Variants in PCSK2 observed in about 807,000 individuals in gnomAD.
PCSK2 encodes the protein proprotein convertase subtilisin/kexin type 2, also known as neuroendocrine convertase 2.
PCSK2 carries 14 observed loss-of-function variants against 69.7 expected under a neutral mutation model. That is an observed-to-expected ratio of 0.20 (90% CI 0.13 to 0.31). PCSK2 has a LOEUF of 0.31. Among genes scored for constraint, PCSK2 ranks in the 10% least tolerant of loss-of-function variants. The probability of loss-of-function intolerance (pLI) is 1.00; values close to 1 mark genes in which losing one functional copy is unlikely to be tolerated. For missense variants in PCSK2, 544 were observed against 842.5 expected (o/e 0.65, Z 4.39); for synonymous variants, 307 against 320.7 (o/e 0.96, Z 0.46).
chr20:17,348,921 C>A (rs2029890736), intron 2 of PCSK2, among the ~76,000 whole-genome samples: 2 of 152,170 alleles, frequency 1.3e-5, no homozygotes, highest in Non-Finnish European at 2.9e-5. Context: ...GGAAGAGAGT[C>A]CAGCCCACAA....
At chr20:17,385,802 A>C (rs2031219569) in intron 5 of PCSK2, among the ~76,000 whole-genome samples, 1 of 152,234 alleles carries the variant, frequency 6.6e-6, no homozygotes, top group Admixed American at 6.5e-5. Context: ...TGTGGGCAAC[A>C]GGAGCTCAGT....
At chr20:17,441,724 T>A (rs1057202318) in intron 8 of PCSK2, among the ~76,000 whole-genome samples, 2 of 152,036 alleles carry the variant, frequency 1.3e-5, no homozygotes, top group Non-Finnish European at 2.9e-5. Context: ...GAGAACAGCA[T>A]GGGGAAGACT....
At chr20:17,481,239 A>G (rs1339583910) in intron 11 of PCSK2, among the ~76,000 whole-genome samples, 1 of 151,692 alleles carries the variant, frequency 6.6e-6, no homozygotes, top group East Asian at 1.9e-4. Flanking sequence ...AAAATTAGCC[A>G]GGCGTGGTGG....
At chr20:17,309,823 G>GAGAAGA (rs71192373) in intron 2 of PCSK2, among the ~76,000 whole-genome samples, 32 of 147,320 alleles carry the variant, frequency 2.2e-4, no homozygotes, top group African/African-American at 3.0e-4. Flanking sequence ...ATCAAAAGGA[G>GAGAAGA]AGAAGAAGAA....
In PCSK2 at chr20:17,345,763, T is replaced by C. The variant is rs575016351; in HGVS notation, c.283-12564T>C. On this transcript the variant is annotated intron_variant, in intron 2 of 11. Coordinates refer to ENST00000262545, the MANE Select transcript of PCSK2 (RefSeq NM_002594.5). ...TCACTGAACCACACGGTTTGGGGCATAGTCTTTAGCATTCAGGAGAGTCAT... is the reference window on the plus strand; with the variant it reads ...TCACTGAACCACACGGTTTGGGGCACAGTCTTTAGCATTCAGGAGAGTCAT... 6.6e-5 allele frequency among the ~76,000 whole-genome samples: 10 copies of C among 152,286 alleles called. No homozygotes were observed. In the East Asian group the frequency reaches 1.9e-3, roughly 29 times the overall value.
intron 3 of PCSK2, among the ~76,000 whole-genome samples, chr20:17,359,503 TA>T (rs2030318938): frequency 1.3e-5 from 2 of 152,206 alleles, no homozygotes; most frequent in African/African-American, 4.8e-5. Context: ...ACTGCTTTCA[TA>T]AGCCCTTCAG....
At chr20:17,414,885 G>A (rs1399664716) in intron 6 of PCSK2, among the ~76,000 whole-genome samples, 1 of 152,168 alleles carries the variant, frequency 6.6e-6, no homozygotes, top group Admixed American at 6.6e-5. Flanking sequence ...TTCAACATAT[G>A]CAAATCAGTA....
At chr20:17,303,450 T>TATTA (rs1274453838) in intron 2 of PCSK2, among the ~76,000 whole-genome samples, 10 of 70,324 alleles carry the variant, frequency 1.4e-4, no homozygotes, top group East Asian at 8.5e-4. Flanking sequence ...ATAATATATA[T>TATTA]TATATTAAAT....
Position 17,406,426 on chromosome 20 carries a change from G to A in PCSK2, c.544-2837G>A, listed in dbSNP as rs148061264. 7.3e-3 allele frequency among the ~76,000 whole-genome samples: 1,112 copies of A among 152,290 alleles called. 8 individuals carry two copies. Among genetic ancestry groups the A allele is most frequent in the Non-Finnish European group, 0.012 (805 of 68,014 alleles). On this transcript the variant is annotated intron_variant, in intron 5 of 11. Coordinates refer to ENST00000262545, the MANE Select transcript of PCSK2 (RefSeq NM_002594.5). ...AAGCATTAGTCATCAAAACTTCATT[G>A]CAAAGGCAACAAAATAATTGGGGTT... is the stretch of plus-strand genomic sequence containing the variant.
intron 11 of PCSK2, among the ~76,000 whole-genome samples, chr20:17,474,403 G>T (rs1366463206): frequency 6.6e-6 from 1 of 152,172 alleles, no homozygotes; most frequent in African/African-American, 2.4e-5. Flanking sequence ...TTGTGTGTTT[G>T]TCCCTACTCC....
chr20:17,349,210 G>A (rs2029899474), intron 2 of PCSK2, among the ~76,000 whole-genome samples: 1 of 152,188 alleles, frequency 6.6e-6, no homozygotes, highest in Admixed American at 6.5e-5. Context: ...AACAGGTATA[G>A]CAGGGCCTGT....
At chr20:17,239,890 T>C (rs1378636214) in intron 1 of PCSK2, among the ~76,000 whole-genome samples, 2 of 135,816 alleles carry the variant, frequency 1.5e-5, no homozygotes, top group African/African-American at 5.7e-5. Flanking sequence ...AGTCTCACTC[T>C]GTTGCCAGGC....
At chr20:17,351,426 T>C (rs2029981307) in intron 2 of PCSK2, among the ~76,000 whole-genome samples, 2 of 152,192 alleles carry the variant, frequency 1.3e-5, no homozygotes, top group African/African-American at 2.4e-5. Context: ...ATATCCCTGA[T>C]GAACATAGAT....
intron 4 of PCSK2, among the ~76,000 whole-genome samples, chr20:17,368,432 T>G (rs1428238492): frequency 6.6e-6 from 1 of 152,148 alleles, no homozygotes; most frequent in African/African-American, 2.4e-5. Flanking sequence ...AGACCTACGT[T>G]TGTAACCATT....
chr20:17,418,189 C>T (rs1005188518), intron 6 of PCSK2, among the ~76,000 whole-genome samples: 2 of 152,296 alleles, frequency 1.3e-5, no homozygotes, highest in Admixed American at 6.5e-5. Context: ...AACTAATTCT[C>T]GTAGTAACCC....
chr20:17,263,238 A>C (rs1987462530), intron 2 of PCSK2: 1 of 515,296 alleles, frequency 1.9e-6, no homozygotes, highest in South Asian at 8.4e-5. Context: ...TTTATGCTAA[A>C]AGGAAAACAG....
At chr20:17,450,731 G>A (rs1001470298) in intron 8 of PCSK2, among the ~76,000 whole-genome samples, 4 of 152,098 alleles carry the variant, frequency 2.6e-5, no homozygotes, top group African/African-American at 9.7e-5. Context: ...ATGGTGGAAG[G>A]GCCAAAAGGG....
At chr20:17,466,034 C>T (rs1416024792) in intron 11 of PCSK2, among the ~76,000 whole-genome samples, 8 of 152,252 alleles carry the variant, frequency 5.3e-5, no homozygotes, top group Middle Eastern at 3.4e-3. Context: ...CCAGGAGGCA[C>T]CATTTACATA....
In PCSK2 at chr20:17,409,354, G is replaced by A; in HGVS notation, c.620+15G>A. The A allele has an allele frequency of 6.3e-7, 1 of 1,582,996 alleles. No individual in the cohort carries two copies. The highest frequency in any genetic ancestry group is 8.7e-7 in the Non-Finnish European group (1 of 1,151,720). ...TGGTTTAACAGGTAAACTGGGCCTT[G>A]GGAGGTCTCTTTGACTTTAGGCTTT... On this transcript the variant is annotated intron_variant, in intron 6 of 11. Transcript: ENST00000262545.
Sources: allele counts gnomAD v4.1 joint callset (sites outside exome capture counted in the v4.1 genomes callset), GRCh38; gene constraint gnomAD v4.1.1; transcripts MANE v1.5; gene names NCBI Gene and HGNC (gene_info 2026-07-23, HGNC 2026-07-21).